NEB: variants seen among roughly 807,000 people sequenced by gnomAD.
The protein encoded by NEB is nebulin, also known as nemaline myopathy type 2.
NEB carries 512 observed loss-of-function variants against 952.2 expected under a neutral mutation model. That is an observed-to-expected ratio of 0.54 (90% CI 0.50 to 0.58). The LOEUF is 0.58. NEB is among the 20% of genes least tolerant of loss of function. NEB has a pLI of 0.00. For synonymous variants in NEB, 2,900 were observed against 3,149.8 expected (o/e 0.92, Z 2.66); for missense variants, 8,428 against 9,231.1 (o/e 0.91, Z 3.56).
chr2:151,605,406 G>A lies in NEB; in HGVS notation c.12748-535C>T, dbSNP rs1236845299. 1.9e-5 allele frequency among the ~76,000 whole-genome samples: 2 copies of A among 106,452 alleles called. 1 individual carries two copies. Among genetic ancestry groups the A allele is most frequent in the Non-Finnish European group, 4.9e-5 (2 of 41,016 alleles). 69.8% of individuals were successfully genotyped at this position (106,452 alleles called of 152,430 possible). On this transcript the variant is annotated intron_variant, in intron 84 of 181. Coordinates refer to ENST00000397345, the MANE Select transcript of NEB (RefSeq NM_001164508.2). ...AGAGTACTGAAGGAACCTCAGGTAG[G>A]GAGAGGTCATACGTGTGTGGTTTTG... is the stretch of plus-strand genomic sequence containing the variant.
rs1242083931 is a variant in NEB, at chr2:151,554,918, T to G, written c.19428+13A>C. ...TGTATCCTAGTCATTAAGGGGCGCA[T>G]GACCGTACTTACATCGATGTTAAGC... On this transcript the variant is annotated intron_variant, in intron 125 of 181. Coordinates refer to ENST00000397345, the MANE Select transcript of NEB (RefSeq NM_001164508.2). 1 of 1,570,084 alleles carries G rather than the reference T, an allele frequency of 6.4e-7. No homozygotes were observed. Among genetic ancestry groups the G allele is most frequent in the South Asian group, 1.1e-5 (1 of 90,208 alleles).
chr2:151,514,957 TA>T lies in NEB; in HGVS notation c.22906-30del, dbSNP rs749127170. 2.2e-4 allele frequency: 313 copies of T among 1,401,014 alleles called. 1 individual carries two copies. Among genetic ancestry groups the T allele is most frequent in the South Asian group, 7.5e-4 (58 of 77,198 alleles). 86.8% of individuals were successfully genotyped at this position (1,401,014 alleles called of 1,614,324 possible). ...ATGTAAGTAGGAAGGAAAGACAAGT[TA>T]AAAAAAAATCTTTATTACAATATAT... On this transcript the variant is annotated intron_variant, in intron 157 of 181. Coordinates refer to ENST00000397345, the MANE Select transcript of NEB (RefSeq NM_001164508.2).
chr2:151,659,407 C>G (rs531536677), intron 46 of NEB, among the ~76,000 whole-genome samples: 1 of 152,072 alleles, frequency 6.6e-6, no homozygotes, highest in Non-Finnish European at 1.5e-5. Flanking sequence ...AACAATCCAT[C>G]CTCCCACCTC....
intron 162 of NEB, chr2:151,507,801 T>A: frequency 1.9e-6 from 1 of 538,028 alleles, no homozygotes; most frequent in South Asian, 3.0e-5. Context: ...ACCAACGAAG[T>A]AACAGATGAG....
chr2:151,490,271 A>G (rs893954118), intron 180 of NEB, 101 bp downstream of exon 180: 22 of 1,434,214 alleles, frequency 1.5e-5, no homozygotes, highest in Non-Finnish European at 1.9e-5. Flanking sequence ...GGAAAGGATG[A>G]AAAATTTTTA....
chr2:151,497,556 T>TATTA lies in NEB; in HGVS notation c.24300+66_24300+69dup, dbSNP rs1254569652. On this transcript the variant is annotated intron_variant, in intron 171 of 181. Transcript: ENST00000397345. The stretch of plus-strand genomic sequence containing the variant: ...GTCTTTAAAAAGTAGGATTAATACG[T>TATTA]ATTATTTTAAATCATGAAAGTTTTC... The TATTA allele has an allele frequency of 5.9e-6, 9 of 1,528,186 alleles. No homozygotes were observed. In the African/African-American group the frequency reaches 1.1e-4, roughly 19 times the overall value. 94.7% of individuals were successfully genotyped at this position (1,528,186 alleles called of 1,614,324 possible).
chr2:151,709,507 TCAAATGCCTCA>T, intron 12 of NEB, 138 bp downstream of exon 12: 1 of 564,610 alleles, frequency 1.8e-6, no homozygotes, highest in Middle Eastern at 4.4e-4. Flanking sequence ...CTACTCTTTT[TCAAATGCCTCA>T]CATCCACTGG....
chr2:151,518,355 T>G lies in NEB; in HGVS notation c.22763A>C (p.Gln7588Pro). The G allele has an allele frequency of 6.2e-7, 1 of 1,611,958 alleles. No individual in the cohort carries two copies. Among genetic ancestry groups the G allele is most frequent in the South Asian group, 1.1e-5 (1 of 91,016 alleles). Residue 7588 changes from glutamine to proline, a missense_variant, in exon 156 of 182, where the codon CAG (glutamine) becomes CCG (proline). Transcript: ENST00000397345. ...HYHTIPDNLE[Q>P]LHLKEATELQ... ...TTCTGTGGCCTCTTTTAGGTGAAGC[T>G]GCTCCAGATTATCGGGTATGGTGTG...
At chr2:151,718,566 T>A (rs1414055335) in intron 9 of NEB, among the ~76,000 whole-genome samples, 1 of 151,988 alleles carries the variant, frequency 6.6e-6, no homozygotes, top group Non-Finnish European at 1.5e-5. Flanking sequence ...ACACTTATCT[T>A]CTCCATATTC....
intron 107 of NEB, among the ~76,000 whole-genome samples, chr2:151,573,610 G>A (rs1400715856): frequency 6.6e-6 from 1 of 152,162 alleles, no homozygotes; most frequent in East Asian, 1.9e-4. Context: ...AACTTATAGA[G>A]CTGTTTGGCA....
chr2:151,513,711 GA>G lies in NEB; in HGVS notation c.23128-19del, dbSNP rs369229042. On this transcript the variant is annotated intron_variant, in intron 159 of 181. Transcript: ENST00000397345. The stretch of plus-strand genomic sequence containing the variant: ...TATTCTTTCTATAGTAGCATTAAAA[GA>G]AAAAAAAAAGGTACCTAAATGCTAC... 2,050 of 1,350,982 alleles carry G rather than the reference GA, an allele frequency of 1.5e-3. No homozygotes were observed. The highest frequency in any genetic ancestry group is 1.9e-3 in the Admixed American group (81 of 42,280). The allele number at this position is 1,350,982 out of a possible 1,614,324, so 83.7% of individuals were successfully genotyped here. A position where few individuals can be genotyped will look rare whatever the true frequency, so the allele number is the denominator to read the frequency against.
At chr2:151,669,249 T>A in intron 38 of NEB, 118 bp from the exon 39 acceptor site, 1 of 693,636 alleles carries the variant, frequency 1.4e-6, no homozygotes, top group Non-Finnish European at 2.5e-6. Flanking sequence ...ACGAGACAAA[T>A]ACCTACTCTG....
chr2:151,561,131 T>C (rs566427472), intron 122 of NEB, 23 bp from the exon 123 acceptor site: 2 of 1,560,616 alleles, frequency 1.3e-6, no homozygotes, highest in South Asian at 2.3e-5. Flanking sequence ...AACAATAGGT[T>C]ATTCACCTCT....
At chr2:151,669,386 T>C (rs372224380) in intron 38 of NEB, among the ~76,000 whole-genome samples, 1 of 152,202 alleles carries the variant, frequency 6.6e-6, no homozygotes, top group African/African-American at 2.4e-5. Context: ...ATATCTGTCC[T>C]GTTGGAGCTT....
At chr2:151,513,852 A>AGTGGT (rs2076143832) in intron 159 of NEB, among the ~76,000 whole-genome samples, 159 bp from the exon 160 acceptor site, 1 of 152,240 alleles carries the variant, frequency 6.6e-6, no homozygotes, top group South Asian at 2.1e-4. Flanking sequence ...GGTAGGATGA[A>AGTGGT]GTGGTGTCTT....
At chr2:151,607,407 A>G in intron 83 of NEB, 97 bp downstream of exon 83, 1 of 650,866 alleles carries the variant, frequency 1.5e-6, no homozygotes. Context: ...AAAAGCCACA[A>G]ACATTGCAAG....
chr2:151,609,376 A>G (rs1303673249), intron 81 of NEB, among the ~76,000 whole-genome samples: 2 of 152,102 alleles, frequency 1.3e-5, no homozygotes, highest in African/African-American at 4.8e-5. Context: ...ACTTGTAAAA[A>G]CATAATTATT....
intron 160 of NEB, 83 bp downstream of exon 160, chr2:151,513,493 CAATA>C (rs1321611493): frequency 5.2e-6 from 5 of 956,694 alleles, no homozygotes; most frequent in South Asian, 4.7e-5. Context: ...TGACTGTCAC[CAATA>C]AATCAGATGA....
intron 88 of NEB, among the ~76,000 whole-genome samples, chr2:151,601,118 T>G (rs927159075): frequency 1.5e-5 from 2 of 130,512 alleles, no homozygotes; most frequent in African/African-American, 6.3e-5. Flanking sequence ...TTTTTTTTTT[T>G]TTTTTTTGAG....
Sources: allele counts gnomAD v4.1 joint callset (sites outside exome capture counted in the v4.1 genomes callset), GRCh38; gene constraint gnomAD v4.1.1; transcripts MANE v1.5; gene names NCBI Gene and HGNC (gene_info 2026-07-23, HGNC 2026-07-21).